The following RPS6KA2 variants were observed in gnomAD, a reference collection of about 807,000 sequenced individuals.
The protein encoded by RPS6KA2 is ribosomal protein S6 kinase A2, also known as ribosomal protein S6 kinase alpha-2.
RPS6KA2 carries 42 observed loss-of-function variants against 91.8 expected under a neutral mutation model. The ratio of observed to expected loss-of-function variants is 0.46; its 90% CI spans 0.36 to 0.59. The LOEUF (loss-of-function observed/expected upper bound fraction) is 0.59, where lower values mean the gene tolerates loss of function less well. Ranked by LOEUF, RPS6KA2 falls within the 20% of genes least tolerant of loss-of-function variation. The pLI, the probability that RPS6KA2 is intolerant of heterozygous loss-of-function variation, is 0.00. For missense variants in RPS6KA2, 798 were observed against 978.5 expected (o/e 0.82, Z 2.46); for synonymous variants, 414 against 393.6 (o/e 1.05, Z -0.61).
chr6:166,465,286 A>C (rs906794695), intron 11 of RPS6KA2: 1 of 152,274 alleles, frequency 6.6e-6, no homozygotes, highest in Non-Finnish European at 1.5e-5. Context: ...ACATCTGGAC[A>C]AATACATCAC....
intron 2 of RPS6KA2, among the ~76,000 whole-genome samples, chr6:166,835,792 G>A (rs1780302427): frequency 6.6e-6 from 1 of 152,188 alleles, no homozygotes; most frequent in African/African-American, 2.4e-5. Flanking sequence ...GAATGGGAGT[G>A]GTGCAATGTC....
At chr6:166,473,195 ATTTT>A (rs11305958) in intron 10 of RPS6KA2, among the ~76,000 whole-genome samples, 1 of 149,162 alleles carries the variant, frequency 6.7e-6, no homozygotes, top group African/African-American at 2.4e-5. Flanking sequence ...CTGTGAATGG[ATTTT>A]TTTTTTTATT....
chr6:166,757,043 G>GA (rs1244519279), intron 2 of RPS6KA2, among the ~76,000 whole-genome samples: 1 of 151,946 alleles, frequency 6.6e-6, no homozygotes, highest in Non-Finnish European at 1.5e-5. Context: ...GGTTAAAACT[G>GA]AAAAATCTTA....
chr6:166,681,731 C>T (rs1788823058), intron 2 of RPS6KA2, among the ~76,000 whole-genome samples: 1 of 130,898 alleles, frequency 7.6e-6, no homozygotes, highest in African/African-American at 2.8e-5. Flanking sequence ...CTCTTGGTGG[C>T]CTGTCTCCCA....
At chr6:166,604,547 G>C (rs1046242964) in intron 1 of RPS6KA2, among the ~76,000 whole-genome samples, 5 of 152,232 alleles carry the variant, frequency 3.3e-5, no homozygotes, top group Admixed American at 6.5e-5. Context: ...ATCCCCAGCT[G>C]GGGGAGGTGG....
chr6:166,476,831 G>A (rs951988169), intron 10 of RPS6KA2, among the ~76,000 whole-genome samples: 4 of 152,158 alleles, frequency 2.6e-5, no homozygotes, highest in Non-Finnish European at 4.4e-5. Flanking sequence ...GGAGAGCTCT[G>A]GCATTGAGAG....
chr6:166,723,699 C>CTT (rs10637819), intron 2 of RPS6KA2, among the ~76,000 whole-genome samples: 10,389 of 145,210 alleles, frequency 0.072, 1,370 homozygotes, highest in African/African-American at 0.27. Flanking sequence ...TTTTTCTTTT[C>CTT]TTTTCTTTTT....
rs74512995 is a variant in RPS6KA2 at position 166,677,263 on chromosome 6, G to A, written c.124-138479C>T. On this transcript the variant is annotated intron_variant, in intron 2 of 21. Coordinates refer to the RPS6KA2 transcript ENST00000503859. ...GGTTTTATACCTAAGAGGCAGAACC[G>A]CCTGATTCTGAGAAATAGAGATATA... is the stretch of plus-strand genomic sequence containing the variant. 5.7e-3 allele frequency among the ~76,000 whole-genome samples: 865 copies of A among 152,154 alleles called. 20 individuals carry two copies. The South Asian group carries it at 0.072, about 13-fold the overall frequency.
chr6:166,525,533 C>T (rs189573676), intron 3 of RPS6KA2, among the ~76,000 whole-genome samples: 3 of 152,222 alleles, frequency 2.0e-5, no homozygotes, highest in Non-Finnish European at 4.4e-5. Context: ...CAAATGGAGC[C>T]GTCGGAAGCC....
In RPS6KA2 at chr6:166,423,596, T is replaced by C. The variant is rs576623476; in HGVS notation, c.1582-179A>G. On this transcript the variant is annotated intron_variant, in intron 16 of 20. Coordinates refer to ENST00000265678, the MANE Select transcript of RPS6KA2 (RefSeq NM_021135.6). The surrounding 1 kb of genome is among the most constrained non-coding windows in gnomAD (Gnocchi z 4.8). Reference sequence around the variant, plus strand: ...CTTCTCCAGAGGGCCCCCCACCTTCTCCCATTCTCCTGTGGTGGTCACTCA... The same window carrying C: ...CTTCTCCAGAGGGCCCCCCACCTTCCCCCATTCTCCTGTGGTGGTCACTCA... Among the ~76,000 whole-genome samples, 3 of 152,240 alleles carry C rather than the reference T, an allele frequency of 2.0e-5. No individual in the cohort carries two copies. In the South Asian group the frequency reaches 6.2e-4, roughly 32 times the overall value.
At chr6:166,631,197 T>C (rs10484527), upstream of RPS6KA2, among the ~76,000 whole-genome samples, 5,373 of 152,254 alleles carry the variant, frequency 0.035, 310 homozygotes, top group African/African-American at 0.12. Flanking sequence ...GTCTTCAAAA[T>C]GACAGAAATA....
At chr6:166,455,596 G>A (rs764440117) in intron 12 of RPS6KA2, among the ~76,000 whole-genome samples, 1 of 152,234 alleles carries the variant, frequency 6.6e-6, no homozygotes, top group South Asian at 2.1e-4. Flanking sequence ...CTAGCGAAGC[G>A]TCGTTAAAAA....
At chr6:166,695,437 A>G (rs937443745) in intron 2 of RPS6KA2, among the ~76,000 whole-genome samples, 4 of 152,192 alleles carry the variant, frequency 2.6e-5, no homozygotes, top group African/African-American at 9.7e-5. Context: ...TCTTGTTAAC[A>G]TGTTTAGGTT....
chr6:166,752,798 T>C (rs1777887770), intron 2 of RPS6KA2, among the ~76,000 whole-genome samples: 1 of 152,214 alleles, frequency 6.6e-6, no homozygotes, highest in African/African-American at 2.4e-5. Context: ...GTTTTGTGCT[T>C]GTTGTTGCTG....
intron 1 of RPS6KA2, among the ~76,000 whole-genome samples, chr6:166,619,376 T>TTTTG (rs1317095377): frequency 6.6e-6 from 1 of 152,244 alleles, no homozygotes. Flanking sequence ...TTGAAAGTTG[T>TTTTG]TTTGTTTGTC....
intron 17 of RPS6KA2, among the ~76,000 whole-genome samples, chr6:166,421,473 A>G (rs1778716652): frequency 6.6e-6 from 1 of 152,200 alleles, no homozygotes; most frequent in Non-Finnish European, 1.5e-5. Context: ...ACCCCCAACC[A>G]GAGAGGACAA....
intron 2 of RPS6KA2, among the ~76,000 whole-genome samples, chr6:166,693,767 G>A (rs1237329168): frequency 1.3e-5 from 2 of 152,176 alleles, no homozygotes; most frequent in Admixed American, 1.3e-4. Context: ...CCAAACAACA[G>A]CTTAATTGGA....
chr6:166,583,632 G>A (rs1040099555), intron 1 of RPS6KA2, among the ~76,000 whole-genome samples: 4 of 152,186 alleles, frequency 2.6e-5, no homozygotes, highest in Non-Finnish European at 4.4e-5. Flanking sequence ...ATTAAAAACC[G>A]AAGCTAAGCC....
chr6:166,513,248 G>A (rs1782531972), intron 3 of RPS6KA2, among the ~76,000 whole-genome samples: 1 of 152,214 alleles, frequency 6.6e-6, no homozygotes, highest in Non-Finnish European at 1.5e-5. Flanking sequence ...AGGCAGTGCT[G>A]TGGGCAGAGC....
Sources: gnomAD v4.1 joint callset for allele counts (sites outside exome capture counted in the v4.1 genomes callset) on GRCh38, gnomAD v4.1.1 for gene constraint, Gnocchi (gnomAD v3.1) non-coding constraint, MANE v1.5 for transcripts, NCBI Gene and HGNC (gene_info 2026-07-23, HGNC 2026-07-21) for gene names.